The following PDXDC1 variants were observed in gnomAD, a reference collection of about 807,000 sequenced individuals.
PDXDC1 encodes the protein pyridoxal dependent decarboxylase domain containing 1, also known as pyridoxal-dependent decarboxylase domain-containing protein 1.
Under a neutral mutation model 100.1 loss-of-function variants are expected in PDXDC1, and 42 were observed. That is an observed-to-expected ratio of 0.42 (90% confidence interval 0.33 to 0.54). PDXDC1 has a LOEUF of 0.54. PDXDC1 is among the 20% of genes least tolerant of loss of function. The pLI is 0.10. For synonymous variants in PDXDC1, 260 were observed against 371.7 expected, an observed-to-expected ratio of 0.70 and a Z score of 3.46; for missense variants, 636 against 979.2, an observed-to-expected ratio of 0.65 and a Z score of 4.68.
intron 1 of PDXDC1, among the ~76,000 whole-genome samples, chr16:14,992,396 CA>C (rs1971050747): frequency 6.6e-6 from 1 of 152,270 alleles, no homozygotes; most frequent in Non-Finnish European, 1.5e-5. Context: ...TGAATCAAGC[CA>C]AACTGTTTAT....
chr16:15,076,173 T>A (rs2045447080), intron 16 of PDXDC1, among the ~76,000 whole-genome samples: 2 of 152,076 alleles, frequency 1.3e-5, no homozygotes, highest in Admixed American at 6.5e-5. Context: ...AGACTCTCCT[T>A]CCACTGAACC....
chr16:14,991,323 A>G (rs1163350044), intron 1 of PDXDC1, among the ~76,000 whole-genome samples: 1 of 139,246 alleles, frequency 7.2e-6, no homozygotes, highest in East Asian at 2.6e-4. Flanking sequence ...TGTTGTCGAG[A>G]CAGGTTCTCT....
At chr16:15,046,755 G>A (rs1316573715) in intron 16 of PDXDC1, among the ~76,000 whole-genome samples, 1 of 147,726 alleles carries the variant, frequency 6.8e-6, no homozygotes, top group East Asian at 2.0e-4. Context: ...TACACCTGTG[G>A]TCCCAGCTAC....
At chr16:14,984,849 T>C (rs1457082033) in intron 1 of PDXDC1, among the ~76,000 whole-genome samples, 4 of 152,222 alleles carry the variant, frequency 2.6e-5, no homozygotes, top group African/African-American at 9.6e-5. Flanking sequence ...AGGAAAAGTG[T>C]TGATTCGTGT....
chr16:15,024,813 T>TCCCA (rs1288750378), intron 13 of PDXDC1, among the ~76,000 whole-genome samples: 2 of 152,296 alleles, frequency 1.3e-5, no homozygotes, highest in Admixed American at 1.3e-4. Flanking sequence ...TAAGATCATC[T>TCCCA]CCCACCGTCA....
chr16:15,124,088 A>G (rs996359559), intron 16 of PDXDC1, among the ~76,000 whole-genome samples: 19 of 152,124 alleles, frequency 1.2e-4, no homozygotes, highest in East Asian at 5.9e-4. Flanking sequence ...CAAGGAATCT[A>G]TGCATTTCAA....
chr16:15,035,903 G>A (rs533532799), intron 22 of PDXDC1, 113 bp from the exon 23 acceptor site: 3 of 1,160,756 alleles, frequency 2.6e-6, no homozygotes, highest in East Asian at 2.4e-5. Flanking sequence ...AGCCAGTAAA[G>A]GTTTCTGCTG....
chr16:15,045,935 A>C (rs2044041615), intron 16 of PDXDC1: 1 of 152,184 alleles, frequency 6.6e-6, no homozygotes, highest in African/African-American at 2.4e-5. Flanking sequence ...AACTCCAAGT[A>C]GTAGCAGTAA....
downstream of PDXDC1, among the ~76,000 whole-genome samples, chr16:15,141,455 G>A (rs1189630981): frequency 6.6e-6 from 1 of 152,232 alleles, no homozygotes; most frequent in Admixed American, 6.5e-5. Flanking sequence ...GGAGCTTCTC[G>A]TTCCATCTGC....
intron 16 of PDXDC1, chr16:15,047,741 A>G: frequency 4.0e-6 from 4 of 989,830 alleles, no homozygotes; most frequent in South Asian, 2.6e-5. Flanking sequence ...ACCAGAAAAA[A>G]GGTAAGCGGA....
At chr16:15,034,657 GTTC>G (rs969618468) in intron 21 of PDXDC1, 104 bp downstream of exon 21, 1 of 847,650 alleles carries the variant, frequency 1.2e-6, no homozygotes, top group Admixed American at 1.9e-5. Flanking sequence ...CCTGGTTCCC[GTTC>G]TTCATCACTG....
chr16:15,071,681 T>C (rs904538252), intron 16 of PDXDC1, among the ~76,000 whole-genome samples: 18 of 152,236 alleles, frequency 1.2e-4, no homozygotes, highest in African/African-American at 4.3e-4. Context: ...GGCAGGAGAA[T>C]CGCTTGAACC....
intron 4 of PDXDC1, 121 bp downstream of exon 4, chr16:15,001,977 A>G: frequency 3.8e-6 from 3 of 787,540 alleles, no homozygotes; most frequent in East Asian, 3.0e-5. Flanking sequence ...TGATATTAAA[A>G]TAATCCTTTT....
intron 16 of PDXDC1, among the ~76,000 whole-genome samples, chr16:15,063,978 A>C (rs188661677): frequency 1.7e-3 from 253 of 152,246 alleles, no homozygotes; most frequent in Non-Finnish European, 3.2e-3. Context: ...GCTGAAAAGT[A>C]AGTCTAGGAA....
chr16:15,105,914 T>TG (rs1398835264), intron 16 of PDXDC1: 2 of 1,570,756 alleles, frequency 1.3e-6, no homozygotes, highest in African/African-American at 2.7e-5. Flanking sequence ...GAATATTAGA[T>TG]GGGGGCCCCA....
chr16:15,020,509 T>TCTTTATTA (rs2042108558), intron 12 of PDXDC1, among the ~76,000 whole-genome samples: 10 of 151,948 alleles, frequency 6.6e-5, no homozygotes, highest in Admixed American at 2.6e-4. Context: ...GCTAACACGG[T>TCTTTATTA]GAAACCCTGT....
downstream of PDXDC1, among the ~76,000 whole-genome samples, chr16:15,142,833 G>T (rs1036232183): frequency 6.6e-6 from 1 of 151,856 alleles, no homozygotes; most frequent in African/African-American, 2.4e-5. Flanking sequence ...TTCCCTGCAA[G>T]GATGGGGGAC....
downstream of PDXDC1, chr16:15,039,966 C>T (rs755645758): frequency 1.3e-6 from 2 of 1,544,638 alleles, no homozygotes; most frequent in Non-Finnish European, 1.8e-6. Context: ...ATTTGAAACT[C>T]ACTGGTCCTC....
At chr16:15,048,582 G>C (rs1408725159) in intron 16 of PDXDC1, among the ~76,000 whole-genome samples, 1 of 152,062 alleles carries the variant, frequency 6.6e-6, no homozygotes, top group African/African-American at 2.4e-5. Context: ...AAGAGAATCA[G>C]ATTACACAGG....
Sources: allele counts gnomAD v4.1 joint callset (sites outside exome capture counted in the v4.1 genomes callset), GRCh38; gene constraint gnomAD v4.1.1; transcripts MANE v1.5; gene names NCBI Gene and HGNC (gene_info 2026-07-23, HGNC 2026-07-21).